The following CCSER1 variants were observed in gnomAD, a reference collection of about 807,000 sequenced individuals.
The protein encoded by CCSER1 is serine-rich coiled-coil domain-containing protein 1.
Under a neutral mutation model 82.0 loss-of-function variants are expected in CCSER1, and 41 were observed. That is an observed-to-expected ratio of 0.50 (90% CI 0.39 to 0.65). CCSER1 has a LOEUF of 0.65. Ranked by LOEUF, CCSER1 falls within the 30% of genes least tolerant of loss-of-function variation. The pLI is 0.00. For missense variants in CCSER1, 1,119 were observed against 1,064.2 expected (o/e 1.05, Z -0.72); for synonymous variants, 414 against 383.9 (o/e 1.08, Z -0.92).
At chr4:91,148,623 A>G (rs990790344) in intron 10 of CCSER1, among the ~76,000 whole-genome samples, 3 of 152,058 alleles carry the variant, frequency 2.0e-5, no homozygotes, top group African/African-American at 4.8e-5. Context: ...TCCTGATGCT[A>G]TCCATCCCCC....
chr4:90,851,289 A>C (rs982068560), intron 8 of CCSER1, among the ~76,000 whole-genome samples: 11 of 152,330 alleles, frequency 7.2e-5, no homozygotes, highest in African/African-American at 2.6e-4. Context: ...AAATAACTAC[A>C]AAGCCAAAAC....
intron 10 of CCSER1, among the ~76,000 whole-genome samples, chr4:91,382,105 G>A (rs956947930): frequency 5.3e-5 from 8 of 152,148 alleles, no homozygotes; most frequent in African/African-American, 9.7e-5. Flanking sequence ...CTGCCTAGTC[G>A]TTCCTCTGGA....
intron 3 of CCSER1, among the ~76,000 whole-genome samples, chr4:90,366,113 G>C (rs1746238225): frequency 6.6e-6 from 1 of 151,644 alleles, no homozygotes; most frequent in Non-Finnish European, 1.5e-5. Context: ...TCATAGCCAT[G>C]GTAACAGTAA....
At chr4:91,086,064 A>G (rs1202096396) in intron 10 of CCSER1, 70 bp downstream of exon 10, 2 of 906,276 alleles carry the variant, frequency 2.2e-6, no homozygotes, top group Non-Finnish European at 1.7e-6. Flanking sequence ...TGATGTGGTG[A>G]TGGTGATTGA....
intron 10 of CCSER1, among the ~76,000 whole-genome samples, chr4:91,105,719 A>G (rs961433387): frequency 6.6e-6 from 1 of 151,990 alleles, no homozygotes; most frequent in South Asian, 2.1e-4. Context: ...AATAAATAAA[A>G]ATAACAAAAT....
At chr4:90,305,037 C>T (rs567217245) in intron 1 of CCSER1, among the ~76,000 whole-genome samples, 81 of 152,080 alleles carry the variant, frequency 5.3e-4, no homozygotes, top group African/African-American at 1.9e-3. Context: ...CCGCCTCAGC[C>T]TCCCTAGTAG....
At position 90,932,992 on chromosome 4, in the gene CCSER1, G is replaced by GAAAGAAAGAA. The variant is rs1730271919; in HGVS notation, c.2172+9547_2172+9556dup. ...AAAGAAAGAAAGAAAGAGAAAGAAAGAAAGAAAGAAAGAAAGAAAGAAAGA... is the reference window on the plus strand; with the variant it reads ...AAAGAAAGAAAGAAAGAGAAAGAAAGAAAGAAAGAAAAAGAAAGAAAGAAAGAAAGAAAGA... On this transcript the variant is annotated intron_variant, in intron 9 of 10. Transcript: ENST00000509176. Among the ~76,000 whole-genome samples the GAAAGAAAGAA allele has an allele frequency of 4.5e-5, 2 of 44,318 alleles. 1 individual carries two copies. Among genetic ancestry groups the GAAAGAAAGAA allele is most frequent in the Non-Finnish European group, 8.1e-5 (2 of 24,576 alleles). 29.1% of individuals were successfully genotyped at this position (44,318 alleles called of 152,430 possible).
At chr4:90,863,010 A>C (rs1765286591) in intron 8 of CCSER1, among the ~76,000 whole-genome samples, 1 of 148,580 alleles carries the variant, frequency 6.7e-6, no homozygotes, top group Admixed American at 6.8e-5. Flanking sequence ...ACATATGTAT[A>C]CATGTGCCAT....
At chr4:90,912,074 G>T (rs1277608018) in intron 8 of CCSER1, among the ~76,000 whole-genome samples, 1 of 152,208 alleles carries the variant, frequency 6.6e-6, no homozygotes, top group Non-Finnish European at 1.5e-5. Flanking sequence ...CCGAACAAAA[G>T]GCAGCAGAAA....
intron 10 of CCSER1, among the ~76,000 whole-genome samples, chr4:91,335,808 A>T (rs1747282794): frequency 6.6e-6 from 1 of 151,750 alleles, no homozygotes; most frequent in Non-Finnish European, 1.5e-5. Context: ...GTTGACTAGG[A>T]TTTTTTTTAG....
intron 10 of CCSER1, among the ~76,000 whole-genome samples, chr4:91,369,755 G>A (rs1460209484): frequency 7.5e-6 from 1 of 133,894 alleles, no homozygotes; most frequent in Admixed American, 9.1e-5. Flanking sequence ...TGCAACCTCT[G>A]CCTCCTGTGT....
chr4:90,703,046 T>C (rs563314450), intron 6 of CCSER1, among the ~76,000 whole-genome samples: 166 of 152,290 alleles, frequency 1.1e-3, no homozygotes, highest in African/African-American at 3.9e-3. Context: ...GCTTCTCTAG[T>C]TGTTTTAATT....
At chr4:91,034,190 G>A (rs1453775418) in intron 9 of CCSER1, among the ~76,000 whole-genome samples, 2 of 152,174 alleles carry the variant, frequency 1.3e-5, no homozygotes, top group East Asian at 3.9e-4. Context: ...GGCAATAGCA[G>A]TGAATGATGT....
In CCSER1 at chr4:91,587,638, GA is replaced by G; in HGVS notation, c.2218-10931del. Among the ~76,000 whole-genome samples, 3 of 151,726 alleles carry G rather than the reference GA, an allele frequency of 2.0e-5. No individual in the cohort carries two copies. In the South Asian group the frequency reaches 6.2e-4, roughly 31 times the overall value. ...ATATCCATCGTTCATGAGATTTGCC[GA>G]AATATAACAAAATGGCTGGCATGTA... On this transcript the variant is annotated intron_variant, in intron 10 of 10. Transcript: ENST00000509176.
intron 4 of CCSER1, among the ~76,000 whole-genome samples, chr4:90,429,326 A>G (rs1023325502): frequency 2.0e-5 from 3 of 151,826 alleles, no homozygotes; most frequent in African/African-American, 7.2e-5. Context: ...GGTTATATAA[A>G]AAGCTGTTTG....
chr4:90,428,556 CAATT>C (rs1476530379), intron 4 of CCSER1, among the ~76,000 whole-genome samples: 1 of 151,662 alleles, frequency 6.6e-6, no homozygotes, highest in African/African-American at 2.4e-5. Flanking sequence ...ATGTTAAAGA[CAATT>C]AAAAGGAAGA....
At chr4:90,314,295 T>G (rs914043054) in intron 3 of CCSER1, among the ~76,000 whole-genome samples, 7 of 152,338 alleles carry the variant, frequency 4.6e-5, no homozygotes, top group Middle Eastern at 6.8e-3. Context: ...TATTATATTA[T>G]TATTGTTGCA....
chr4:91,590,257 G>A (rs1764201398), intron 10 of CCSER1, among the ~76,000 whole-genome samples: 1 of 151,932 alleles, frequency 6.6e-6, no homozygotes, highest in South Asian at 2.1e-4. Context: ...TCTGGACAAT[G>A]TGCACCATTC....
In CCSER1 at chr4:90,780,532, A is replaced by G. The variant is rs1270218106; in HGVS notation, c.2011-35230A>G. 28 of 1,588,696 alleles carry G rather than the reference A, an allele frequency of 1.8e-5. No homozygotes were observed. In the Admixed American group the frequency reaches 5.3e-4, roughly 30 times the overall value. On this transcript the variant is annotated intron_variant, in intron 7 of 10. Transcript: ENST00000509176. Reference sequence around the variant, plus strand: ...CTAGATGATCCACCATGACTTATTCAAAAGTTGAAGATGAAAGGAAAGAAT... The same window carrying G: ...CTAGATGATCCACCATGACTTATTCGAAAGTTGAAGATGAAAGGAAAGAAT...
Sources: allele counts gnomAD v4.1 joint callset (sites outside exome capture counted in the v4.1 genomes callset), GRCh38; gene constraint gnomAD v4.1.1; transcripts MANE v1.5; gene names NCBI Gene and HGNC (gene_info 2026-07-23, HGNC 2026-07-21).